The following TTLL2 variants were observed in gnomAD, a reference collection of about 807,000 sequenced individuals.
The protein encoded by TTLL2 is probable tubulin polyglutamylase TTLL2.
TTLL2 carries 10 observed loss-of-function variants against 7.5 expected under a neutral mutation model. The observed-to-expected ratio is 1.33, with a 90% confidence interval of 0.82 to 2.25. The LOEUF (loss-of-function observed/expected upper bound fraction) is 2.25, where lower values mean the gene tolerates loss of function less well. Among genes scored for constraint, TTLL2 ranks in the 30% most tolerant of loss-of-function variants. The pLI is 0.00. For synonymous variants in TTLL2, 284 were observed against 280.3 expected (o/e 1.01, Z -0.13); for missense variants, 733 against 735.7 (o/e 1.00, Z 0.04).
rs561182118 is a variant in TTLL2, at chr6:167,338,664, C to T, written c.65C>T (p.Thr22Ile). Reference protein sequence around the residue: ...SQALGSLRTTTPAFTLNIPSE... With the variant: ...SQALGSLRTTIPAFTLNIPSE... ...GTTCACAGATCTTTGAGAACCACCA[C>T]CCCAGCCTTTACCCTTAACATTCCA... is the stretch of plus-strand genomic sequence containing the variant. Residue 22 changes from threonine to isoleucine, a missense_variant, in exon 2 of 3, where the codon ACC becomes ATC. Physicochemically the swap from Thr to Ile is moderately conservative, Grantham distance 89 (BLOSUM62 -1). Transcript: ENST00000239587. The T allele has an allele frequency of 8.7e-6, 14 of 1,613,720 alleles. No homozygotes were observed. In the African/African-American group the frequency reaches 1.6e-4, roughly 18 times the overall value.
chr6:167,336,608 G>C (rs536187334), intron 1 of TTLL2, among the ~76,000 whole-genome samples: 1 of 152,238 alleles, frequency 6.6e-6, no homozygotes, highest in Non-Finnish European at 1.5e-5. Flanking sequence ...AGGGAGAACT[G>C]TCCTCTTACC....
chr6:167,332,207 T>C (rs1014237636), intron 1 of TTLL2, among the ~76,000 whole-genome samples: 1 of 152,120 alleles, frequency 6.6e-6, no homozygotes, highest in African/African-American at 2.4e-5. Flanking sequence ...AAAATGGAAG[T>C]GAAGTACAGA....
chr6:167,340,220 G>A lies in TTLL2; in HGVS notation c.320G>A (p.Gly107Glu). The change falls in exon 3 of 3, where the codon GGG (glycine) becomes GAG (glutamate). Residue 107 changes from glycine (G) to glutamate (E), a missense_variant. Gly to Glu is a moderately conservative substitution (Grantham distance 98). Coordinates refer to ENST00000239587, the MANE Select transcript of TTLL2 (RefSeq NM_031949.5). ...AVVQSVLLER[G>E]WNKFDKQEQN... is the part of the protein sequence containing the mutation. ...GTGCAAAGCGTCCTCCTGGAGAGGG[G>A]GTGGAATAAGTTTGATAAGCAGGAG... 6.2e-7 allele frequency: 1 copy of A among 1,614,098 alleles called. No individual in the cohort carries two copies. Among genetic ancestry groups the A allele is most frequent in the Non-Finnish European group, 8.5e-7 (1 of 1,180,012 alleles).
Position 167,325,092 on chromosome 6 carries a change from C to A in TTLL2, c.-82C>A. Reference sequence around the variant, plus strand: ...CCCTGCATCATCAGCAACCAGTGCTCCCTCCAGCCTCCGCGCATTTCAGCT... The same window carrying A: ...CCCTGCATCATCAGCAACCAGTGCTACCTCCAGCCTCCGCGCATTTCAGCT... On this transcript the variant is annotated 5_prime_UTR_variant, in exon 1 of 3. Coordinates refer to ENST00000239587, the MANE Select transcript of TTLL2 (RefSeq NM_031949.5). The A allele has an allele frequency of 6.9e-7, 1 of 1,450,388 alleles. No homozygotes were observed. Among genetic ancestry groups the A allele is most frequent in the Non-Finnish European group, 9.4e-7 (1 of 1,064,382 alleles). The allele number at this position is 1,450,388 out of a possible 1,614,324, so 89.8% of individuals were successfully genotyped here.
chr6:167,340,079 A>C (rs1057421215), intron 2 of TTLL2, 26 bp from the exon 3 acceptor site: 1 of 1,553,320 alleles, frequency 6.4e-7, no homozygotes, highest in Admixed American at 1.9e-5. Context: ...CCACTCTCCT[A>C]ACCTTTCTCA....
At chr6:167,339,072 C>T (rs1648375696) in intron 2 of TTLL2, among the ~76,000 whole-genome samples, 1 of 151,268 alleles carries the variant, frequency 6.6e-6, no homozygotes, top group Admixed American at 6.6e-5. Flanking sequence ...CTCCCTCCTT[C>T]CTTTCTTGTA....
intron 1 of TTLL2, among the ~76,000 whole-genome samples, chr6:167,331,530 C>T (rs1487739587): frequency 6.6e-6 from 1 of 152,148 alleles, no homozygotes; most frequent in African/African-American, 2.4e-5. Context: ...CTGTTCTTGG[C>T]TTATTTCATT....
At position 167,340,672 on chromosome 6, in the gene TTLL2, A is replaced by C; in HGVS notation, c.772A>C (p.Ile258Leu). The C allele has an allele frequency of 6.2e-7, 1 of 1,614,212 alleles. No homozygotes were observed. The highest frequency in any genetic ancestry group is 8.5e-7 in the Non-Finnish European group (1 of 1,180,034). ...TGGCAGATATAAATGTGATCTCCGC[A>C]TCTATGTTTGTGTTACTGGCTTTAA... ...LIGRYKCDLRIYVCVTGFKPL... is the reference protein window; with the variant it reads ...LIGRYKCDLRLYVCVTGFKPL... Residue 258 changes from isoleucine (I) to leucine (L), a missense_variant, in exon 3 of 3, where the codon ATC becomes CTC. By Grantham distance (5) the Ile-to-Leu change is conservative (BLOSUM62 2). Coordinates refer to ENST00000239587, the MANE Select transcript of TTLL2 (RefSeq NM_031949.5).
In TTLL2 at chr6:167,342,635, A is replaced by G. The variant is rs1318588312; in HGVS notation, c.*956A>G. ...ACGGGGAATTCACTAAGTATCACTC[A>G]TGGTACATTTTGTGTTATGTGTGTT... is the stretch of plus-strand genomic sequence containing the variant. On this transcript the variant is annotated 3_prime_UTR_variant, in exon 3 of 3. Coordinates refer to ENST00000239587, the MANE Select transcript of TTLL2 (RefSeq NM_031949.5). 6.6e-6 allele frequency among the ~76,000 whole-genome samples: 1 copy of G among 152,094 alleles called. No individual in the cohort carries two copies. Among genetic ancestry groups the G allele is most frequent in the Admixed American group, 6.5e-5 (1 of 15,280 alleles).
In TTLL2 at chr6:167,341,016, T is replaced by A. The variant is rs1364688446; in HGVS notation, c.1116T>A (p.Phe372Leu). Reference protein sequence around the residue: ...FAANCFELFGFDILIDDNLKP... With the variant: ...FAANCFELFGLDILIDDNLKP... ...CCAATTGCTTTGAGCTCTTTGGGTT[T>A]GATATTTTGATTGATGACAACTTGA... Residue 372 changes from phenylalanine to leucine, a missense_variant, in exon 3 of 3, where the codon TTT becomes TTA. Phe to Leu is a conservative substitution (Grantham distance 22). Coordinates refer to ENST00000239587, the MANE Select transcript of TTLL2 (RefSeq NM_031949.5). 6.2e-7 allele frequency: 1 copy of A among 1,614,102 alleles called. No homozygotes were observed. Among genetic ancestry groups the A allele is most frequent in the South Asian group, 1.1e-5 (1 of 91,074 alleles).
chr6:167,331,774 C>T (rs1000102585), intron 1 of TTLL2, among the ~76,000 whole-genome samples: 3 of 152,186 alleles, frequency 2.0e-5, no homozygotes, highest in Admixed American at 6.5e-5. Context: ...ACCACTCATA[C>T]ACTGGCGAGT....
chr6:167,325,148 G>A lies in TTLL2; in HGVS notation c.-26G>A. 1 of 1,567,530 alleles carries A rather than the reference G, an allele frequency of 6.4e-7. No individual in the cohort carries two copies. Among genetic ancestry groups the A allele is most frequent in the Non-Finnish European group, 8.6e-7 (1 of 1,157,524 alleles). On this transcript the variant is annotated 5_prime_UTR_variant, in exon 1 of 3. Coordinates refer to ENST00000239587, the MANE Select transcript of TTLL2 (RefSeq NM_031949.5). ...TGCAGCTGCTGCACAGAGACCCACA[G>A]AGGCCACCCTCGGAACCAGCGCCCA...
At chr6:167,330,219 T>C (rs1433563284) in intron 1 of TTLL2, among the ~76,000 whole-genome samples, 4 of 152,206 alleles carry the variant, frequency 2.6e-5, no homozygotes, top group Non-Finnish European at 5.9e-5. Flanking sequence ...GAATTGTGTG[T>C]CTGTATTACT....
intron 1 of TTLL2, among the ~76,000 whole-genome samples, chr6:167,327,805 G>C (rs59667554): frequency 6.6e-6 from 1 of 152,110 alleles, no homozygotes; most frequent in African/African-American, 2.4e-5. Flanking sequence ...TAAAAGTATA[G>C]GTCTTTTTAT....
intron 2 of TTLL2, 33 bp downstream of exon 2, chr6:167,338,836 C>CTTCCTTCCTTCCTTCCTTCCTTCA (rs1779029805): frequency 7.3e-7 from 1 of 1,378,644 alleles, no homozygotes; most frequent in East Asian, 2.6e-5. Context: ...TCCTTCCTTC[C>CTTCCTTCCTTCCTTCCTTCCTTCA]TTCCTTCCTT....
intron 1 of TTLL2, among the ~76,000 whole-genome samples, chr6:167,332,171 G>A (rs1483442939): frequency 1.3e-5 from 2 of 152,156 alleles, no homozygotes; most frequent in Non-Finnish European, 2.9e-5. Flanking sequence ...AGAATTCATG[G>A]AGAGAAAAAG....
intron 1 of TTLL2, chr6:167,327,974 T>G (rs1040550715): frequency 6.6e-6 from 3 of 456,110 alleles, no homozygotes; most frequent in African/African-American, 6.0e-5. Flanking sequence ...CCCCTCTCCT[T>G]GACCCCAAAA....
chr6:167,338,581 C>T, intron 1 of TTLL2, 66 bp from the exon 2 acceptor site: 1 of 1,535,046 alleles, frequency 6.5e-7, no homozygotes, highest in Admixed American at 1.9e-5. Flanking sequence ...TCTGTATGTT[C>T]CTTATTAAAG....
intron 1 of TTLL2, among the ~76,000 whole-genome samples, chr6:167,331,295 T>C (rs1184469742): frequency 6.6e-6 from 1 of 152,148 alleles, no homozygotes; most frequent in Non-Finnish European, 1.5e-5. Flanking sequence ...GAAACTATTA[T>C]ATATTACACT....
Sources: gnomAD v4.1 joint callset for allele counts (sites outside exome capture counted in the v4.1 genomes callset) on GRCh38, gnomAD v4.1.1 for gene constraint, MANE v1.5 for transcripts, NCBI Gene and HGNC (gene_info 2026-07-23, HGNC 2026-07-21) for gene names.